The following AQP10 variants were observed in gnomAD, a reference collection of about 807,000 sequenced individuals.
AQP10 encodes aquaporin-10.
AQP10 carries 15 observed loss-of-function variants against 21.0 expected under a neutral mutation model. The ratio of observed to expected loss-of-function variants is 0.71; its 90% CI spans 0.48 to 1.10. The LOEUF (loss-of-function observed/expected upper bound fraction) is 1.10. Among genes scored for constraint, AQP10 ranks in the 50% least tolerant of loss-of-function variants. The pLI, the probability that AQP10 is intolerant of heterozygous loss-of-function variation, is 0.00. For synonymous variants in AQP10, 143 were observed against 155.7 expected, an observed-to-expected ratio of 0.92 and a Z score of 0.61; for missense variants, 268 against 379.5, an observed-to-expected ratio of 0.71 and a Z score of 2.44.
chr1:154,322,206 C>G (rs532733374), intron 2 of AQP10, 147 bp downstream of exon 2: 11 of 1,266,394 alleles, frequency 8.7e-6, no homozygotes, highest in South Asian at 1.5e-5. Context: ...GCCTTTGGCC[C>G]CACCAGCCCC....
chr1:154,322,489 C>CTTTTTTTTTTTTTTTTTTTTTTT (rs5777905), intron 2 of AQP10, among the ~76,000 whole-genome samples: 3 of 117,858 alleles, frequency 2.5e-5, no homozygotes, highest in Non-Finnish European at 3.4e-5. Flanking sequence ...GTGTCTTCTT[C>CTTTTTTTTTTTTTTTTTTTTTTT]TTTTTTTTTT....
At position 154,322,980 on chromosome 1, in the gene AQP10, A is replaced by C. The variant is rs1195706871; in HGVS notation, c.233-2A>C. 6.2e-7 allele frequency: 1 copy of C among 1,614,112 alleles called. No homozygotes were observed. ...CTCTTTTTCTTTCCTTGATACTTGA[A>C]GGGGCCCACCTGAATCCAGCCTTCT... On this transcript the variant is annotated splice_acceptor_variant, in intron 2 of 5. Transcript: ENST00000324978. LOFTEE classifies it high-confidence loss of function.
chr1:154,322,493 T>TCTTC (rs1558263945), intron 2 of AQP10, among the ~76,000 whole-genome samples: 4 of 149,508 alleles, frequency 2.7e-5, no homozygotes, highest in South Asian at 2.1e-4. Context: ...CTTCTTCTTT[T>TCTTC]TTTTTTTTTT....
chr1:154,321,860 C>T, intron 1 of AQP10, 73 bp from the exon 2 acceptor site: 1 of 1,594,194 alleles, frequency 6.3e-7, no homozygotes, highest in Non-Finnish European at 8.5e-7. Context: ...TTGGCTGCTC[C>T]CCTGGCCTTC....
Position 154,321,163 on chromosome 1 carries a change from T to C in AQP10, c.8T>C (p.Phe3Ser), listed in dbSNP as rs1685632899. ...CAATAGGGTGTTTCCACCATGGTCTTCACTCAGGCCCCGGCTGAAATCATG... is the reference window on the plus strand; with the variant it reads ...CAATAGGGTGTTTCCACCATGGTCTCCACTCAGGCCCCGGCTGAAATCATG... MVFTQAPAEIMGH... is the reference protein window; with the variant it reads MVSTQAPAEIMGH... The change falls in exon 1 of 6, where the codon TTC (phenylalanine) becomes TCC (serine). Residue 3 changes from phenylalanine to serine, a missense_variant. This residue lies in a region of AQP10 where 33 missense variants were observed against 47.1 expected (regional missense o/e 0.70). Coordinates refer to ENST00000324978, the MANE Select transcript of AQP10 (RefSeq NM_080429.3). 1 of 1,613,172 alleles carries C rather than the reference T, an allele frequency of 6.2e-7. No homozygotes were observed. The highest frequency in any genetic ancestry group is 1.7e-5 in the Admixed American group (1 of 59,900).
rs1277000068 is a variant in AQP10, at chr1:154,323,917, G to A, written c.707+111G>A. On this transcript the variant is annotated intron_variant, in intron 5 of 5. Transcript: ENST00000324978. This position sits in a 1 kb window ranked among gnomAD's most constrained non-coding sequence, Gnocchi z 4.5. ...TAAAATAGCTCTCTTGGCTTCTTAG[G>A]ACAGTGTTCTTTCTCCAAGTCATAT... The A allele has an allele frequency of 1.3e-6, 2 of 1,507,252 alleles. No homozygotes were observed. Among genetic ancestry groups the A allele is most frequent in the Admixed American group, 2.2e-5 (1 of 45,406 alleles). The allele number at this position is 1,507,252 out of a possible 1,614,324, so 93.4% of individuals were successfully genotyped here. A position where few individuals can be genotyped will look rare whatever the true frequency, so the allele number is the denominator to read the frequency against.
At chr1:154,322,213 C>A (rs555301305) in intron 2 of AQP10, among the ~76,000 whole-genome samples, 154 bp downstream of exon 2, 1 of 152,186 alleles carries the variant, frequency 6.6e-6, no homozygotes, top group Non-Finnish European at 1.5e-5. Flanking sequence ...GCCCCACCAG[C>A]CCCTCCTCTT....
At chr1:154,321,629 G>A (rs547174854) in intron 1 of AQP10, among the ~76,000 whole-genome samples, 1 of 152,252 alleles carries the variant, frequency 6.6e-6, no homozygotes, top group African/African-American at 2.4e-5. Context: ...TTTAAAATTG[G>A]CTTTGATGGA....
chr1:154,322,043 G>A lies in AQP10; in HGVS notation c.216G>A (p.Val72=), dbSNP rs1383352201. 13 of 1,613,250 alleles carry A rather than the reference G, an allele frequency of 8.1e-6. No individual in the cohort carries two copies. The South Asian group carries it at 1.3e-4, about 16-fold the overall frequency. The change falls in exon 2 of 6, where the codon GTG becomes GTA. Residue 72 remains valine, a synonymous_variant. Transcript: ENST00000324978. ...GSLAVTIAIY[V]GGNVSGAHLN... ...TGGCCGTTACGATAGCCATCTACGTGGGTGGTAACGTCTCAGGTGAGGAGG... is the reference window on the plus strand; with the variant it reads ...TGGCCGTTACGATAGCCATCTACGTAGGTGGTAACGTCTCAGGTGAGGAGG...
chr1:154,322,942 CACTT>C (rs1282128377), intron 2 of AQP10, 36 bp from the exon 3 acceptor site: 8 of 1,613,180 alleles, frequency 5.0e-6, no homozygotes, highest in Non-Finnish European at 5.9e-6. Flanking sequence ...CTGGCAGTGA[CACTT>C]AATAGATGCT....
rs564501584 is a variant in AQP10 at position 154,323,476 on chromosome 1, T to C, written c.490-113T>C. On this transcript the variant is annotated intron_variant, in intron 4 of 5. Transcript: ENST00000324978. This position sits in a 1 kb window ranked among gnomAD's most constrained non-coding sequence, Gnocchi z 4.5. ...GGGTCTATCTTGGCACTCCCCACCATCCCCAACTGCCTGTGTTGCACAAAG... is the reference window on the plus strand; with the variant it reads ...GGGTCTATCTTGGCACTCCCCACCACCCCCAACTGCCTGTGTTGCACAAAG... 66 of 1,486,872 alleles carry C rather than the reference T, an allele frequency of 4.4e-5. No homozygotes were observed. The African/African-American group carries it at 9.1e-4, about 21-fold the overall frequency. The allele number at this position is 1,486,872 out of a possible 1,614,324, so 92.1% of individuals were successfully genotyped here. A position where few individuals can be genotyped will look rare whatever the true frequency, so the allele number is the denominator to read the frequency against.
chr1:154,324,024 A>G, intron 5 of AQP10: 1 of 1,417,444 alleles, frequency 7.1e-7, no homozygotes, highest in Non-Finnish European at 9.3e-7. Flanking sequence ...GGCATGCCAC[A>G]TTACTTCCAT....
chr1:154,321,950 T>A lies in AQP10; in HGVS notation c.123T>A (p.Ala41=), dbSNP rs1345039387. The change falls in exon 2 of 6, where the codon GCT becomes GCA. Residue 41 remains alanine, a synonymous_variant. Transcript: ENST00000324978. Reference sequence around the variant, plus strand: ...CTCAGCAGCTCCTCACCCAAGGAGCTGTGGCCCAGGCTGTCACCAGTGGAG... The same window carrying A: ...CTCAGCAGCTCCTCACCCAAGGAGCAGTGGCCCAGGCTGTCACCAGTGGAG... ...VFVLMLLTQG[A]VAQAVTSGET... is the part of the protein sequence containing the mutation. 1.7e-5 allele frequency: 28 copies of A among 1,612,774 alleles called. No homozygotes were observed. The highest frequency in any genetic ancestry group is 2.3e-5 in the Non-Finnish European group (27 of 1,179,698).
At position 154,324,597 on chromosome 1, in the gene AQP10, A is replaced by C; in HGVS notation, c.*117A>C. 1 of 1,084,908 alleles carries C rather than the reference A, an allele frequency of 9.2e-7. No homozygotes were observed. The highest frequency in any genetic ancestry group is 2.8e-5 in the Admixed American group (1 of 36,274). The allele number at this position is 1,084,908 out of a possible 1,614,324, so 67.2% of individuals were successfully genotyped here. On this transcript the variant is annotated 3_prime_UTR_variant, in exon 6 of 6. Transcript: ENST00000324978. ...CAGAACCTGGGAGGCTTCTCTGTTT[A>C]TCTGTTTGGCATCCCTTCCTCCTAA... is the stretch of plus-strand genomic sequence containing the variant.
intron 2 of AQP10, among the ~76,000 whole-genome samples, chr1:154,322,329 T>C (rs1194608): frequency 0.61 from 91,976 of 151,596 alleles, 29,449 homozygotes; most frequent in African/African-American, 0.83. Context: ...ATCCCCCACC[T>C]GAAGTCCTCT....
Position 154,324,359 on chromosome 1 carries a change from T to G in AQP10, c.785T>G (p.Leu262Arg). 6.2e-7 allele frequency: 1 copy of G among 1,610,906 alleles called. No homozygotes were observed. The highest frequency in any genetic ancestry group is 8.5e-7 in the Non-Finnish European group (1 of 1,178,974). The change falls in exon 6 of 6, where the codon CTG becomes CGG. Residue 262 changes from leucine (L) to arginine (R), a missense_variant. Around this residue, in one of 3 missense-constraint regions of AQP10, gnomAD observed 229 missense variants for 295.1 expected, o/e 0.78. Coordinates refer to ENST00000324978, the MANE Select transcript of AQP10 (RefSeq NM_080429.3). The part of the protein sequence containing the change: ...GATVGTATYQ[L>R]LVALHHPEGP... ...ACCGTTGGCACAGCCACTTACCAGC[T>G]GTTGGTGGCTCTGCACCACCCTGAG...
chr1:154,324,100 C>T, intron 5 of AQP10, 182 bp from the exon 6 acceptor site: 1 of 1,186,116 alleles, frequency 8.4e-7, no homozygotes, highest in Non-Finnish European at 1.1e-6. Context: ...AGAGGCTGGA[C>T]CAAGCTCTCC....
In AQP10 at chr1:154,323,578, T is replaced by C. The variant is rs548507197; in HGVS notation, c.490-11T>C. 5.0e-6 allele frequency: 8 copies of C among 1,609,228 alleles called. No individual in the cohort carries two copies. Among genetic ancestry groups the C allele is most frequent in the South Asian group, 4.4e-5 (4 of 91,006 alleles). On this transcript the variant is annotated splice_polypyrimidine_tract_variant and intron_variant, in intron 4 of 5. Transcript: ENST00000324978. The surrounding 1 kb of genome is among the most constrained non-coding windows in gnomAD (Gnocchi z 4.5). ...GCTGACAGGGAACCCTCTGCCTCTGTTGACTCCAAGGTTCTGGGCACTGGG... is the reference window on the plus strand; with the variant it reads ...GCTGACAGGGAACCCTCTGCCTCTGCTGACTCCAAGGTTCTGGGCACTGGG...
chr1:154,323,360 G>T lies in AQP10; in HGVS notation c.489+1G>T. ...CCTGAACAATGGCTTCCTGGATCAG[G>T]TAAGTGTGAGGGGGAGACCTGGGGA... On this transcript the variant is annotated splice_donor_variant, in intron 4 of 5. Coordinates refer to ENST00000324978, the MANE Select transcript of AQP10 (RefSeq NM_080429.3). LOFTEE classifies it high-confidence loss of function. This position sits in a 1 kb window ranked among gnomAD's most constrained non-coding sequence, Gnocchi z 4.5. The T allele has an allele frequency of 6.2e-7, 1 of 1,612,740 alleles. No individual in the cohort carries two copies. The highest frequency in any genetic ancestry group is 8.5e-7 in the Non-Finnish European group (1 of 1,178,992).
Sources: allele counts gnomAD v4.1 joint callset (sites outside exome capture counted in the v4.1 genomes callset), GRCh38; gene constraint gnomAD v4.1.1; regional missense constraint gnomAD v4.1.1; non-coding constraint Gnocchi (gnomAD v3.1); transcripts MANE v1.5; gene names NCBI Gene and HGNC (gene_info 2026-07-23, HGNC 2026-07-21).